The following THADA variants were observed in gnomAD, a reference collection of about 807,000 sequenced individuals.
THADA encodes the protein THADA armadillo repeat containing, also known as tRNA (32-2'-O)-methyltransferase regulator THADA.
THADA carries 213 observed loss-of-function variants against 219.8 expected under a neutral mutation model. That is an observed-to-expected ratio of 0.97 (90% confidence interval 0.87 to 1.09). The LOEUF is 1.09. Ranked by LOEUF, THADA falls within the 50% of genes least tolerant of loss-of-function variation. The pLI, the probability that THADA is intolerant of heterozygous loss-of-function variation, is 0.00. For synonymous variants in THADA, 1,018 were observed against 828.9 expected (o/e 1.23, Z -3.92); for missense variants, 2,956 against 2,311.3 (o/e 1.28, Z -5.72).
chr2:43,473,483 G>C (rs1016155776), intron 26 of THADA, among the ~76,000 whole-genome samples: 2 of 152,026 alleles, frequency 1.3e-5, no homozygotes, highest in African/African-American at 2.4e-5. Flanking sequence ...CAGTTTTACA[G>C]TTAACTTTTT....
intron 36 of THADA, among the ~76,000 whole-genome samples, chr2:43,275,938 C>T (rs1352616077): frequency 2.0e-5 from 3 of 152,164 alleles, no homozygotes; most frequent in Non-Finnish European, 4.4e-5. Context: ...ACATTAAATG[C>T]CCGATGTGGT....
chr2:43,471,976 T>C (rs1420678708), intron 26 of THADA, among the ~76,000 whole-genome samples: 1 of 152,200 alleles, frequency 6.6e-6, no homozygotes, highest in Non-Finnish European at 1.5e-5. Flanking sequence ...CTAAGATAAA[T>C]GAACCAAGAA....
chr2:43,233,669 AGGAAGCAGGGG>A (rs1358159973), intron 36 of THADA, among the ~76,000 whole-genome samples: 3 of 152,240 alleles, frequency 2.0e-5, no homozygotes, highest in Admixed American at 6.5e-5. Flanking sequence ...GTGCAGAAAG[AGGAAGCAGGGG>A]GCCTTGGGGA....
chr2:43,515,017 T>C (rs1267498038), intron 22 of THADA, among the ~76,000 whole-genome samples: 1 of 53,646 alleles, frequency 1.9e-5, no homozygotes, highest in Non-Finnish European at 3.1e-5. Context: ...ATATATTATA[T>C]ATTTTATATA....
intron 36 of THADA, among the ~76,000 whole-genome samples, chr2:43,262,735 T>C (rs1031853566): frequency 1.3e-5 from 2 of 152,278 alleles, no homozygotes; most frequent in African/African-American, 4.8e-5. Flanking sequence ...CATTTATTTT[T>C]GAAGAACATT....
intron 26 of THADA, among the ~76,000 whole-genome samples, chr2:43,461,734 T>G (rs1274343778): frequency 6.6e-6 from 1 of 152,254 alleles, no homozygotes; most frequent in Non-Finnish European, 1.5e-5. Context: ...CTAGTATCTG[T>G]GGCATGGCCG....
chr2:43,447,713 G>A lies in THADA; in HGVS notation c.3837-17411C>T, dbSNP rs138920546. 3.4e-4 allele frequency among the ~76,000 whole-genome samples: 51 copies of A among 152,198 alleles called. 1 individual carries two copies. The East Asian group carries it at 9.6e-3, about 29-fold the overall frequency. On this transcript the variant is annotated intron_variant, in intron 26 of 37. Transcript: ENST00000405975. ...CAGGAACTGTCTCACAAGCCCAGCT[G>A]CTGAAATAACCTCCCATAGCCTTAA...
At chr2:43,319,277 A>T (rs1197376265) in intron 31 of THADA, among the ~76,000 whole-genome samples, 1 of 152,180 alleles carries the variant, frequency 6.6e-6, no homozygotes, top group African/African-American at 2.4e-5. Flanking sequence ...GGTCACTTTC[A>T]AGAGTAAAAG....
At chr2:43,557,933 T>C (rs1240319723) in intron 16 of THADA, among the ~76,000 whole-genome samples, 2 of 152,240 alleles carry the variant, frequency 1.3e-5, no homozygotes, top group Non-Finnish European at 2.9e-5. Context: ...GATAAGTTTA[T>C]TTTCTATGAC....
At chr2:43,367,849 T>C (rs1670342327) in intron 29 of THADA, among the ~76,000 whole-genome samples, 1 of 152,198 alleles carries the variant, frequency 6.6e-6, no homozygotes, top group South Asian at 2.1e-4. Context: ...CCAGGAGCGG[T>C]GGCTCACGCC....
intron 29 of THADA, among the ~76,000 whole-genome samples, chr2:43,392,653 C>T (rs1467750844): frequency 1.3e-5 from 2 of 152,092 alleles, no homozygotes; most frequent in Non-Finnish European, 2.9e-5. Context: ...AAGATTCTGG[C>T]TCTACAGTAA....
At chr2:43,545,529 T>G (rs1695908101) in intron 20 of THADA, among the ~76,000 whole-genome samples, 1 of 152,218 alleles carries the variant, frequency 6.6e-6, no homozygotes, top group Non-Finnish European at 1.5e-5. Flanking sequence ...GGTAAGCTAT[T>G]GATTATTGCC....
intron 29 of THADA, among the ~76,000 whole-genome samples, chr2:43,353,906 C>T (rs1558628530): frequency 6.6e-6 from 1 of 151,710 alleles, no homozygotes; most frequent in Non-Finnish European, 1.5e-5. Context: ...CAAGCTCCGC[C>T]TCCCAGGTTC....
At chr2:43,520,913 G>GAGGA (rs1162310889) in intron 22 of THADA, among the ~76,000 whole-genome samples, 1 of 140,134 alleles carries the variant, frequency 7.1e-6, no homozygotes, top group African/African-American at 2.6e-5. Context: ...AGGAGGGAGG[G>GAGGA]AGGGAAGAAA....
At chr2:43,431,526 T>C (rs556955374) in intron 26 of THADA, among the ~76,000 whole-genome samples, 1,944 of 150,962 alleles carry the variant, frequency 0.013, 20 homozygotes, top group Non-Finnish European at 0.02. Flanking sequence ...AGTGCAGTGG[T>C]GCGATCTCGG....
At chr2:43,326,524 A>C (rs749460580) in intron 30 of THADA, among the ~76,000 whole-genome samples, 1 of 152,182 alleles carries the variant, frequency 6.6e-6, no homozygotes, top group South Asian at 2.1e-4. Context: ...GCCTCCATCA[A>C]AGAAGTACCT....
At chr2:43,541,581 T>C (rs1407237074) in intron 20 of THADA, among the ~76,000 whole-genome samples, 4 of 152,068 alleles carry the variant, frequency 2.6e-5, no homozygotes, top group Non-Finnish European at 4.4e-5. Flanking sequence ...TGCTCATGGC[T>C]CACTGCAGCC....
chr2:43,248,496 T>C (rs1000250821), intron 36 of THADA, among the ~76,000 whole-genome samples: 1 of 152,068 alleles, frequency 6.6e-6, no homozygotes, highest in Admixed American at 6.6e-5. Flanking sequence ...CCTCCCAAAG[T>C]GCTGGGATTA....
intron 36 of THADA, among the ~76,000 whole-genome samples, chr2:43,262,142 G>A (rs1671032863): frequency 2.6e-5 from 4 of 152,186 alleles, no homozygotes; most frequent in Admixed American, 6.5e-5. Context: ...CTTAGCAAGC[G>A]AACTCTAGGT....
Sources: allele counts gnomAD v4.1 joint callset (sites outside exome capture counted in the v4.1 genomes callset), GRCh38; gene constraint gnomAD v4.1.1; transcripts MANE v1.5; gene names NCBI Gene and HGNC (gene_info 2026-07-23, HGNC 2026-07-21).